The following UGT1A6 variants were observed in gnomAD, a reference collection of about 807,000 sequenced individuals.
The protein encoded by UGT1A6 is UDP glucuronosyltransferase family 1 member A6.
UGT1A6 carries 32 observed loss-of-function variants against 44.4 expected under a neutral mutation model. The observed-to-expected ratio is 0.72, with a 90% confidence interval of 0.54 to 0.97. The LOEUF (loss-of-function observed/expected upper bound fraction) is 0.97, where lower values mean the gene tolerates loss of function less well. Among genes scored for constraint, UGT1A6 ranks in the 50% least tolerant of loss-of-function variants. UGT1A6 has a pLI of 0.00. For missense variants in UGT1A6, 685 were observed against 661.9 expected, an observed-to-expected ratio of 1.03 and a Z score of -0.38; for synonymous variants, 238 against 248.5, an observed-to-expected ratio of 0.96 and a Z score of 0.40.
chr2:233,741,944 G>C (rs570984186), intron 1 of UGT1A6: 2 of 152,018 alleles, frequency 1.3e-5, no homozygotes, highest in African/African-American at 4.8e-5. Context: ...TGTGCCAACA[G>C]AAAGGTACTT....
chr2:233,717,244 T>C (rs3806594), intron 1 of UGT1A6, among the ~76,000 whole-genome samples: 15,396 of 152,020 alleles, frequency 0.1, 884 homozygotes, highest in East Asian at 0.2. Flanking sequence ...ATGCAGACAG[T>C]TTTAAGGGGG....
intron 1 of UGT1A6, chr2:233,729,068 A>C: frequency 6.2e-7 from 1 of 1,611,394 alleles, no homozygotes. Context: ...AGATGAAGAA[A>C]GCAAATGTAG....
At chr2:233,757,245 G>C (rs113985508) in intron 1 of UGT1A6, among the ~76,000 whole-genome samples, 3 of 149,596 alleles carry the variant, frequency 2.0e-5, no homozygotes, top group African/African-American at 7.4e-5. Context: ...GTGGTGAGGT[G>C]GGGTTATTCA....
intron 1 of UGT1A6, among the ~76,000 whole-genome samples, chr2:233,708,182 G>A (rs1229974641): frequency 3.9e-5 from 6 of 152,168 alleles, no homozygotes; most frequent in Admixed American, 3.3e-4. Context: ...TTACTGTGTC[G>A]TGCACATTTT....
At chr2:233,728,994 A>G in intron 1 of UGT1A6, 1 of 1,552,012 alleles carries the variant, frequency 6.4e-7, no homozygotes, top group Non-Finnish European at 8.7e-7. Flanking sequence ...AATTAACTAG[A>G]GGAGGGCACT....
chr2:233,746,316 G>C (rs1048806578), intron 1 of UGT1A6, among the ~76,000 whole-genome samples: 1 of 151,828 alleles, frequency 6.6e-6, no homozygotes, highest in African/African-American at 2.4e-5. Flanking sequence ...GGGCCCTGTA[G>C]ATGATCTACA....
intron 1 of UGT1A6, chr2:233,721,729 A>C (rs1210902103): frequency 4.9e-6 from 2 of 408,012 alleles, no homozygotes; most frequent in Non-Finnish European, 9.8e-6. Flanking sequence ...TACTTGGATA[A>C]GCTTAATGAT....
intron 1 of UGT1A6, among the ~76,000 whole-genome samples, chr2:233,762,315 G>C (rs565893517): frequency 6.6e-6 from 1 of 152,216 alleles, no homozygotes; most frequent in Non-Finnish European, 1.5e-5. Context: ...TTAATGGGTC[G>C]AGAGTAATCC....
intron 1 of UGT1A6, chr2:233,713,629 A>T: frequency 1.2e-6 from 2 of 1,613,982 alleles, no homozygotes; most frequent in Non-Finnish European, 1.7e-6. Context: ...AGGGTCAAGA[A>T]CATGCTCTAC....
chr2:233,766,403 C>T (rs889722071), intron 1 of UGT1A6, among the ~76,000 whole-genome samples: 1 of 152,294 alleles, frequency 6.6e-6, no homozygotes, highest in South Asian at 2.1e-4. Flanking sequence ...TGCGTCCCTC[C>T]GCTGATGTGC....
rs1476500325 is a variant in UGT1A6 at position 233,772,338 on chromosome 2, T to C, written c.1378T>C (p.Trp460Arg). ...PVEPLDLAVF[W>R]VEFVMRHKGA... ...GGAGCCGCTGGACCTGGCCGTGTTC[T>C]GGGTGGAGTTTGTGATGAGGCACAA... Residue 460 changes from tryptophan (W) to arginine (R), a missense_variant, in exon 5 of 5, where the codon TGG becomes CGG. Trp to Arg is a moderately radical substitution (Grantham distance 101). Coordinates refer to ENST00000305139, the MANE Select transcript of UGT1A6 (RefSeq NM_001072.4). 3.1e-6 allele frequency: 5 copies of C among 1,614,136 alleles called. No individual in the cohort carries two copies. The highest frequency in any genetic ancestry group is 4.2e-6 in the Non-Finnish European group (5 of 1,180,052).
chr2:233,772,512 G>A lies in UGT1A6; in HGVS notation c.1552G>A (p.Gly518Arg), dbSNP rs1553624227. The change falls in exon 5 of 5, where the codon GGG becomes AGG. Residue 518 changes from glycine (G) to arginine (R), a missense_variant. By Grantham distance (125) the Gly-to-Arg change is moderately radical. Coordinates refer to ENST00000305139, the MANE Select transcript of UGT1A6 (RefSeq NM_001072.4). ...CCAYGYRKCL[G>R]KKGRVKKAHK... ...TGCTTATGGCTACCGGAAATGCTTG[G>A]GGAAAAAAGGGCGAGTTAAGAAAGC... 6.2e-7 allele frequency: 1 copy of A among 1,614,116 alleles called. No individual in the cohort carries two copies. The highest frequency in any genetic ancestry group is 8.5e-7 in the Non-Finnish European group (1 of 1,180,014).
intron 1 of UGT1A6, among the ~76,000 whole-genome samples, chr2:233,763,526 CCT>C (rs1427600025): frequency 1.3e-5 from 2 of 152,212 alleles, no homozygotes; most frequent in Non-Finnish European, 2.9e-5. Context: ...TTGCCATTCT[CCT>C]TTTTCCGGAT....
intron 1 of UGT1A6, chr2:233,740,779 T>C (rs1209368922): frequency 1.3e-5 from 2 of 151,852 alleles, no homozygotes; most frequent in African/African-American, 4.9e-5. Flanking sequence ...GTATAAAAGA[T>C]GAATACCCAC....
intron 1 of UGT1A6, among the ~76,000 whole-genome samples, chr2:233,722,626 G>A (rs1272001840): frequency 6.6e-6 from 1 of 152,128 alleles, no homozygotes; most frequent in African/African-American, 2.4e-5. Context: ...TCTTAATGAA[G>A]CATTGAGGGC....
intron 1 of UGT1A6, chr2:233,760,443 G>C (rs773136953): frequency 6.2e-7 from 1 of 1,614,250 alleles, no homozygotes; most frequent in South Asian, 1.1e-5. Flanking sequence ...AGCTGCAGCA[G>C]AGGGGACATG....
intron 1 of UGT1A6, among the ~76,000 whole-genome samples, chr2:233,701,994 C>T (rs1220437125): frequency 6.6e-6 from 1 of 152,050 alleles, no homozygotes; most frequent in South Asian, 2.1e-4. Flanking sequence ...TAACTAAGAT[C>T]AGAGCAGAAC....
intron 1 of UGT1A6, among the ~76,000 whole-genome samples, chr2:233,747,034 C>T (rs1693545520): frequency 6.6e-6 from 1 of 151,808 alleles, no homozygotes; most frequent in Non-Finnish European, 1.5e-5. Context: ...CGAAGTGGGA[C>T]CCATAATGAA....
At position 233,769,644 on chromosome 2, in the gene UGT1A6, G is replaced by A; in HGVS notation, c.1301+1205G>A. ...CAAGGGACAACAGGGGAGGACTGAT[G>A]ACTGACTTCCCACCTTTGAGGTGCT... On this transcript the variant is annotated intron_variant, in intron 4 of 4. Transcript: ENST00000305139. This position sits in a 1 kb window ranked among gnomAD's most constrained non-coding sequence, Gnocchi z 4.4. The A allele has an allele frequency of 6.2e-7, 1 of 1,608,954 alleles. No individual in the cohort carries two copies. Among genetic ancestry groups the A allele is most frequent in the South Asian group, 1.1e-5 (1 of 90,446 alleles).
Sources: allele counts gnomAD v4.1 joint callset (sites outside exome capture counted in the v4.1 genomes callset), GRCh38; gene constraint gnomAD v4.1.1; non-coding constraint Gnocchi (gnomAD v3.1); transcripts MANE v1.5; gene names NCBI Gene and HGNC (gene_info 2026-07-23, HGNC 2026-07-21).